The following RANBP2 variants were observed in gnomAD, a reference collection of about 807,000 sequenced individuals.
RANBP2 encodes the protein E3 SUMO-protein ligase RanBP2.
Under a neutral mutation model 303.6 loss-of-function variants are expected in RANBP2, and 57 were observed. The ratio of observed to expected loss-of-function variants is 0.19; its 90% CI spans 0.15 to 0.23. The LOEUF is 0.23. Ranked by LOEUF, RANBP2 falls within the 10% of genes least tolerant of loss-of-function variation. The pLI is 1.00. For synonymous variants in RANBP2, 1,167 were observed against 1,301.5 expected, an observed-to-expected ratio of 0.90 and a Z score of 2.23; for missense variants, 3,138 against 3,780.8, an observed-to-expected ratio of 0.83 and a Z score of 4.46.
the RANBP2 span, among the ~76,000 whole-genome samples, chr2:109,678,463 C>T: frequency 5.9e-5 from 9 of 152,174 alleles, no homozygotes; most frequent in Non-Finnish European, 8.8e-5. Flanking sequence ...TACCAGGGAT[C>T]GCAAAGCCCA....
chr2:109,422,989 C>T, the RANBP2 span, among the ~76,000 whole-genome samples: 1 of 152,164 alleles, frequency 6.6e-6, no homozygotes, highest in Non-Finnish European at 1.5e-5. Context: ...TACCTGCAAT[C>T]TGAGAGCAAC....
At chr2:109,296,337 C>T in the RANBP2 span, among the ~76,000 whole-genome samples, 4 of 152,098 alleles carry the variant, frequency 2.6e-5, no homozygotes, top group East Asian at 7.7e-4. Context: ...AAGTGATTCT[C>T]CTGCCTCAGC....
chr2:109,054,908 T>C, the RANBP2 span, among the ~76,000 whole-genome samples: 3 of 152,204 alleles, frequency 2.0e-5, no homozygotes, highest in Non-Finnish European at 2.9e-5. Context: ...ATAGGGTCTC[T>C]CGAGGTTCAC....
chr2:108,792,571 G>A, the RANBP2 span, among the ~76,000 whole-genome samples: 1 of 152,208 alleles, frequency 6.6e-6, no homozygotes, highest in Non-Finnish European at 1.5e-5. Flanking sequence ...AACCTAGACA[G>A]GCAAGTAGAG....
At chr2:109,451,898 C>A in the RANBP2 span, among the ~76,000 whole-genome samples, 16 of 152,376 alleles carry the variant, frequency 1.1e-4, no homozygotes, top group South Asian at 1.2e-3. Context: ...GCAGTCCACG[C>A]TGCACTCCAG....
the RANBP2 span, among the ~76,000 whole-genome samples, chr2:109,391,111 C>T: frequency 1.3e-5 from 2 of 152,218 alleles, no homozygotes; most frequent in African/African-American, 4.8e-5. Flanking sequence ...ACCATTCGCT[C>T]CGACTCCCTC....
At chr2:109,597,848 G>A in the RANBP2 span, among the ~76,000 whole-genome samples, 1 of 152,180 alleles carries the variant, frequency 6.6e-6, no homozygotes, top group African/African-American at 2.4e-5. Flanking sequence ...CAATGTGACA[G>A]ACACACAATT....
At chr2:108,721,897 A>G (rs10202304) in intron 1 of RANBP2, among the ~76,000 whole-genome samples, 3,657 of 151,550 alleles carry the variant, frequency 0.024, 144 homozygotes, top group African/African-American at 0.084. Context: ...ATGTGCCACC[A>G]TGCCCGGCTT....
chr2:109,678,306 AC>A, the RANBP2 span, among the ~76,000 whole-genome samples: 2 of 152,244 alleles, frequency 1.3e-5, no homozygotes, highest in Non-Finnish European at 1.5e-5. Flanking sequence ...TAGCAGGTTA[AC>A]CTGTGTATCA....
chr2:109,332,686 C>T, the RANBP2 span, among the ~76,000 whole-genome samples: 3 of 152,198 alleles, frequency 2.0e-5, no homozygotes, highest in African/African-American at 7.2e-5. Flanking sequence ...CGATGAGTCA[C>T]CCTTCTGAGT....
the RANBP2 span, among the ~76,000 whole-genome samples, chr2:109,429,928 G>A: frequency 6.6e-6 from 1 of 152,132 alleles, no homozygotes; most frequent in Non-Finnish European, 1.5e-5. Flanking sequence ...CCCAGTCAGC[G>A]GGTGTAGCCG....
the RANBP2 span, among the ~76,000 whole-genome samples, chr2:109,391,318 C>T: frequency 1.2e-4 from 19 of 152,174 alleles, no homozygotes; most frequent in African/African-American, 2.9e-4. Context: ...CATTACAGGA[C>T]GGGGACCAGG....
the RANBP2 span, among the ~76,000 whole-genome samples, chr2:109,440,643 C>G: frequency 6.6e-6 from 1 of 152,172 alleles, no homozygotes. Flanking sequence ...AGGACTGATT[C>G]ATGAGAGAAG....
the RANBP2 span, among the ~76,000 whole-genome samples, chr2:108,834,972 A>AG: frequency 6.6e-6 from 1 of 152,246 alleles, no homozygotes; most frequent in African/African-American, 2.4e-5. Context: ...GTCAGTTGGC[A>AG]GCTCTTCAAT....
chr2:109,714,254 TTGTGTG>T, the RANBP2 span, among the ~76,000 whole-genome samples: 4 of 149,438 alleles, frequency 2.7e-5, no homozygotes, highest in Middle Eastern at 3.2e-3. Context: ...CCTGGCTAAT[TTGTGTG>T]TGTGTGTGTG....
chr2:109,678,041 C>T, the RANBP2 span, among the ~76,000 whole-genome samples: 1 of 152,200 alleles, frequency 6.6e-6, no homozygotes, highest in Non-Finnish European at 1.5e-5. Context: ...GGGGGTCGCA[C>T]CCCACCGCCT....
the RANBP2 span, among the ~76,000 whole-genome samples, chr2:109,392,204 G>T: frequency 3.5e-4 from 54 of 152,300 alleles, 1 homozygote; most frequent in Admixed American, 3.4e-3. Context: ...GTATACCTCA[G>T]TGAATATATT....
At chr2:109,145,587 C>T in the RANBP2 span, among the ~76,000 whole-genome samples, 16 of 152,214 alleles carry the variant, frequency 1.1e-4, no homozygotes, top group Non-Finnish European at 1.3e-4. Context: ...CACTGTTGCA[C>T]GCATGGTCGA....
the RANBP2 span, among the ~76,000 whole-genome samples, chr2:108,941,802 GCCCTCACTAC>G: frequency 6.6e-6 from 1 of 152,224 alleles, no homozygotes; most frequent in East Asian, 1.9e-4. Flanking sequence ...CATGTGTGAG[GCCCTCACTAC>G]GCAAGGGCAC....
Sources: gnomAD v4.1 joint callset for allele counts (sites outside exome capture counted in the v4.1 genomes callset) on GRCh38, gnomAD v4.1.1 for gene constraint, MANE v1.5 for transcripts, NCBI Gene and HGNC (gene_info 2026-07-23, HGNC 2026-07-21) for gene names.